TRPM3: variants seen among roughly 807,000 people sequenced by gnomAD.
TRPM3 encodes long transient receptor potential channel 3.
In TRPM3, 77 loss-of-function variants were observed where a neutral mutation model predicts 181.2. The observed-to-expected ratio is 0.42, with a 90% CI of 0.35 to 0.51. The LOEUF is 0.51. Ranked by LOEUF, TRPM3 falls within the 20% of genes least tolerant of loss-of-function variation. TRPM3 has a pLI of 0.01. For missense variants in TRPM3, 1,759 were observed against 2,196.7 expected, an observed-to-expected ratio of 0.80 and a Z score of 3.98; for synonymous variants, 745 against 796.4, an observed-to-expected ratio of 0.94 and a Z score of 1.09.
intron 5 of TRPM3, 160 bp downstream of exon 5, chr9:70,842,843 T>C (rs2094768223): frequency 2.9e-6 from 2 of 696,984 alleles, no homozygotes; most frequent in South Asian, 3.6e-5. Context: ...TTTTAGAAAA[T>C]AAATATTTTC....
At chr9:70,868,978 C>G in intron 1 of TRPM3, 1 of 985,072 alleles carries the variant, frequency 1.0e-6, no homozygotes, top group Non-Finnish European at 1.2e-6. Flanking sequence ...TAGCTGAAAT[C>G]ATTTTACCTG....
intron 1 of TRPM3, among the ~76,000 whole-genome samples, chr9:70,976,427 G>A (rs1442423493): frequency 6.6e-6 from 1 of 152,194 alleles, no homozygotes; most frequent in Admixed American, 6.5e-5. Context: ...AATGTCCAAA[G>A]CATATGCCGG....
intron 21 of TRPM3, among the ~76,000 whole-genome samples, chr9:70,592,008 A>G (rs1300511623): frequency 4.6e-5 from 7 of 152,206 alleles, no homozygotes; most frequent in Non-Finnish European, 1.0e-4. Flanking sequence ...CTGCTCTCTA[A>G]TATAATGTTA....
In TRPM3 at chr9:71,201,058, G is replaced by C. The variant is rs541389936; in HGVS notation, c.183+245595C>G. On this transcript the variant is annotated intron_variant, in intron 1 of 24. Transcript: ENST00000357533. ...AGTGCTTCCTTCAGGAGCTCTTTTA[G>C]GGCAGGCCTGGTGGTGACAAAATCA... 4.2e-3 allele frequency among the ~76,000 whole-genome samples: 637 copies of C among 152,098 alleles called. 4 individuals are homozygous for C. Among genetic ancestry groups the C allele is most frequent in the African/African-American group, 0.015 (614 of 41,488 alleles).
chr9:70,640,624 G>T lies in TRPM3; in HGVS notation c.1382C>A (p.Ala461Asp). 6.2e-7 allele frequency: 1 copy of T among 1,613,742 alleles called. No homozygotes were observed. The highest frequency in any genetic ancestry group is 8.5e-7 in the Non-Finnish European group (1 of 1,179,812). Residue 461 changes from alanine to aspartate, a missense_variant, in exon 10 of 26, where the codon GCT becomes GAT. By Grantham distance (126) the Ala-to-Asp change is moderately radical (BLOSUM62 -2). Transcript: ENST00000677713. ...NASAPDQLSL[A>D]LAWNRVDIAR... ...GATGTCGACTCTGTTCCAGGCTAAAGCTAAGCTCAGTTGGTCTGGGGCCGA... is the reference window on the plus strand; with the variant it reads ...GATGTCGACTCTGTTCCAGGCTAAATCTAAGCTCAGTTGGTCTGGGGCCGA...
intron 1 of TRPM3, among the ~76,000 whole-genome samples, chr9:71,300,421 A>G (rs2132323379): frequency 6.6e-6 from 1 of 152,284 alleles, no homozygotes; most frequent in East Asian, 1.9e-4. Flanking sequence ...AAGGTCTGTT[A>G]GTGCCTTCCT....
At chr9:70,573,972 T>TCACACA (rs59193514) in intron 22 of TRPM3, among the ~76,000 whole-genome samples, 7,893 of 140,828 alleles carry the variant, frequency 0.056, 300 homozygotes, top group South Asian at 0.11. Flanking sequence ...GCAATTCATT[T>TCACACA]CACACACACA....
intron 1 of TRPM3, among the ~76,000 whole-genome samples, chr9:71,046,954 C>T (rs933617753): frequency 6.6e-6 from 1 of 152,168 alleles, no homozygotes; most frequent in Non-Finnish European, 1.5e-5. Flanking sequence ...ATACCATATA[C>T]CTGTTCCAGA....
intron 1 of TRPM3, among the ~76,000 whole-genome samples, chr9:71,279,663 C>T (rs1161588993): frequency 6.6e-6 from 1 of 152,144 alleles, no homozygotes; most frequent in Non-Finnish European, 1.5e-5. Context: ...CAAGCAGGCT[C>T]AGAGGACAAC....
chr9:70,813,855 G>A (rs2092409938), intron 6 of TRPM3, among the ~76,000 whole-genome samples: 1 of 152,166 alleles, frequency 6.6e-6, no homozygotes, highest in Non-Finnish European at 1.5e-5. Flanking sequence ...CCCCTTAAGG[G>A]TTGTCATAAG....
chr9:71,255,146 G>A (rs1370790594), intron 1 of TRPM3, among the ~76,000 whole-genome samples: 1 of 152,128 alleles, frequency 6.6e-6, no homozygotes, highest in East Asian at 1.9e-4. Flanking sequence ...ACCTACCACT[G>A]TGACCATCTC....
chr9:71,254,592 AAT>A (rs772898548), intron 1 of TRPM3, among the ~76,000 whole-genome samples: 108 of 152,332 alleles, frequency 7.1e-4, no homozygotes, highest in Non-Finnish European at 1.2e-3. Context: ...GTACATGATA[AAT>A]ATATATGATT....
At chr9:70,752,096 T>G (rs1004354760) in intron 8 of TRPM3, among the ~76,000 whole-genome samples, 1 of 150,338 alleles carries the variant, frequency 6.7e-6, no homozygotes, top group African/African-American at 2.4e-5. Flanking sequence ...AAAGGCTGAG[T>G]TTAAAATTTA....
At chr9:71,422,612 T>G (rs538567824) in intron 1 of TRPM3, among the ~76,000 whole-genome samples, 1 of 152,154 alleles carries the variant, frequency 6.6e-6, no homozygotes, top group East Asian at 1.9e-4. Context: ...ATCTTTCTAG[T>G]AGTATATATA....
chr9:70,931,642 A>C (rs1357221714), intron 1 of TRPM3, among the ~76,000 whole-genome samples: 1 of 152,158 alleles, frequency 6.6e-6, no homozygotes. Flanking sequence ...TAATCAGAGA[A>C]AGAAAGAAAA....
intron 9 of TRPM3, among the ~76,000 whole-genome samples, chr9:70,673,062 A>T (rs2063293628): frequency 6.6e-6 from 1 of 152,166 alleles, no homozygotes; most frequent in Non-Finnish European, 1.5e-5. Flanking sequence ...AAGTGAAGAG[A>T]CATGGGTTTA....
chr9:70,570,734 A>C (rs1473240046), intron 22 of TRPM3, among the ~76,000 whole-genome samples: 1 of 152,216 alleles, frequency 6.6e-6, no homozygotes, highest in Non-Finnish European at 1.5e-5. Flanking sequence ...ACGACCTGTC[A>C]ACTACTGGAG....
intron 1 of TRPM3, among the ~76,000 whole-genome samples, chr9:70,974,845 A>AGTTCCACG (rs1773406483): frequency 6.8e-6 from 1 of 146,472 alleles, no homozygotes; most frequent in African/African-American, 2.5e-5. Flanking sequence ...ACAGTTCCAC[A>AGTTCCACG]GGAGTGATGG....
Position 71,282,293 on chromosome 9 carries a change from GAAAA to G in TRPM3, c.183+164356_183+164359del, listed in dbSNP as rs375687556. ...GAGAGAAAGAAAGAAAAGAAAGAAAGAAAAAGAAAGAACGAAAGAAAGAAAGAAA... is the reference window on the plus strand; with the variant it reads ...GAGAGAAAGAAAGAAAAGAAAGAAAGAGAAAGAACGAAAGAAAGAAAGAAA... On this transcript the variant is annotated intron_variant, in intron 1 of 24. Coordinates refer to the TRPM3 transcript ENST00000357533. Among the ~76,000 whole-genome samples, 3 of 83,856 alleles carry G rather than the reference GAAAA, an allele frequency of 3.6e-5. No individual in the cohort carries two copies. In the South Asian group the frequency reaches 9.7e-4, roughly 27 times the overall value. 55.0% of individuals were successfully genotyped at this position (83,856 alleles called of 152,430 possible). A position where few individuals can be genotyped will look rare whatever the true frequency, so the allele number is the denominator to read the frequency against.
Sources: allele counts gnomAD v4.1 joint callset (sites outside exome capture counted in the v4.1 genomes callset), GRCh38; gene constraint gnomAD v4.1.1; transcripts MANE v1.5; gene names NCBI Gene and HGNC (gene_info 2026-07-23, HGNC 2026-07-21).